CDH23: variants seen among roughly 807,000 people sequenced by gnomAD.
The protein encoded by CDH23 is cadherin related 23, also known as cadherin-23.
In CDH23, 189 loss-of-function variants were observed where a neutral mutation model predicts 317.1. The observed-to-expected ratio is 0.60, with a 90% confidence interval of 0.53 to 0.67. The LOEUF (loss-of-function observed/expected upper bound fraction) is 0.67. CDH23 is among the 30% of genes least tolerant of loss of function. The probability of loss-of-function intolerance (pLI) is 0.00; values close to 1 mark genes in which losing one functional copy is unlikely to be tolerated. For missense variants in CDH23, 4,401 were observed against 4,592.4 expected, an observed-to-expected ratio of 0.96 and a Z score of 1.20; for synonymous variants, 1,839 against 1,876.8, an observed-to-expected ratio of 0.98 and a Z score of 0.52.
In CDH23 at chr10:71,760,998, G is replaced by A. The variant is rs375563247; in HGVS notation, c.4846-16682G>A. ...GCCAGGGAGGCTTGTCCAGGCCAGT[G>A]TCCCCCTCCTGCCCCAGGTTCTCAC... On this transcript the variant is annotated intron_variant, in intron 38 of 69. Transcript: ENST00000224721. 16 of 1,463,122 alleles carry A rather than the reference G, an allele frequency of 1.1e-5. No individual in the cohort carries two copies. In the African/African-American group the frequency reaches 1.7e-4, roughly 15 times the overall value. The allele number at this position is 1,463,122 out of a possible 1,614,324, so 90.6% of individuals were successfully genotyped here.
At chr10:71,622,247 C>A (rs1861500615) in intron 11 of CDH23, among the ~76,000 whole-genome samples, 1 of 152,036 alleles carries the variant, frequency 6.6e-6, no homozygotes, top group African/African-American at 2.4e-5. Context: ...CCGCCCTTGC[C>A]CCCAACATAT....
chr10:71,433,619 T>G (rs1277853864), intron 1 of CDH23, among the ~76,000 whole-genome samples: 1 of 151,716 alleles, frequency 6.6e-6, no homozygotes, highest in African/African-American at 2.4e-5. Flanking sequence ...TCAACAGCCA[T>G]GCCAGACTCG....
intron 1 of CDH23, among the ~76,000 whole-genome samples, chr10:71,434,912 C>T (rs529808011): frequency 1.5e-3 from 223 of 152,314 alleles, no homozygotes; most frequent in Non-Finnish European, 1.4e-3. Context: ...CCCCAGCCAT[C>T]TGCCTTCTTC....
intron 31 of CDH23, among the ~76,000 whole-genome samples, chr10:71,731,721 A>G (rs953581626): frequency 1.6e-4 from 25 of 152,188 alleles, no homozygotes; most frequent in African/African-American, 6.0e-4. Context: ...TTGAGGCTCC[A>G]GGAGCAGACC....
chr10:71,812,433 A>T (rs745356725), intron 66 of CDH23, 47 bp from the exon 67 acceptor site: 42 of 1,610,520 alleles, frequency 2.6e-5, no homozygotes, highest in Non-Finnish European at 3.3e-5. Context: ...GCACCTGTCT[A>T]CTCGAGCCTT....
intron 3 of CDH23, among the ~76,000 whole-genome samples, chr10:71,459,013 T>A (rs1850838498): frequency 6.6e-6 from 1 of 151,648 alleles, no homozygotes; most frequent in Admixed American, 6.6e-5. Context: ...GGTCTCGATC[T>A]CGACCTTGTG....
At chr10:71,477,127 T>TTG (rs1851831281) in intron 3 of CDH23, among the ~76,000 whole-genome samples, 2 of 152,038 alleles carry the variant, frequency 1.3e-5, no homozygotes, top group South Asian at 4.1e-4. Context: ...CCTGCAGATG[T>TTG]TGTGTGTCTG....
Position 71,738,478 on chromosome 10 carries a change from C to G in CDH23, c.4210-20C>G, listed in dbSNP as rs1411281737. Reference sequence around the variant, plus strand: ...AGGAGGGGAAGGAGGCTGTAGGTCTCTGACCACGTTCACCCTCAGGTCTAC... The same window carrying G: ...AGGAGGGGAAGGAGGCTGTAGGTCTGTGACCACGTTCACCCTCAGGTCTAC... On this transcript the variant is annotated intron_variant, in intron 34 of 69. Coordinates refer to ENST00000224721, the MANE Select transcript of CDH23 (RefSeq NM_022124.6). 1 of 1,613,918 alleles carries G rather than the reference C, an allele frequency of 6.2e-7. No homozygotes were observed. The highest frequency in any genetic ancestry group is 1.3e-5 in the African/African-American group (1 of 75,070).
At chr10:71,638,114 C>A (rs922199983) in intron 11 of CDH23, among the ~76,000 whole-genome samples, 1 of 152,114 alleles carries the variant, frequency 6.6e-6, no homozygotes, top group Non-Finnish European at 1.5e-5. Flanking sequence ...AGAAATGATA[C>A]TGTTTTCATT....
Position 71,798,546 on chromosome 10 carries a change from C to T in CDH23, c.7022C>T (p.Pro2341Leu), listed in dbSNP as rs1841468965. 6.2e-7 allele frequency: 1 copy of T among 1,612,992 alleles called. No individual in the cohort carries two copies. Among genetic ancestry groups the T allele is most frequent in the South Asian group, 1.1e-5 (1 of 91,034 alleles). Reference protein sequence around the residue: ...VTYTLLDLVPPGYVQLEDSSA... With the variant: ...VTYTLLDLVPLGYVQLEDSSA... ...TACACCCTGCTGGACCTGGTGCCCCCAGGGTATGTCCAGCTGGAGGACTCC... is the reference window on the plus strand; with the variant it reads ...TACACCCTGCTGGACCTGGTGCCCCTAGGGTATGTCCAGCTGGAGGACTCC... Residue 2341 changes from proline to leucine, a missense_variant, in exon 50 of 70, where the codon CCA becomes CTA. This residue lies in a region of CDH23 where 3,068 missense variants were observed against 3,203.3 expected (regional missense o/e 0.96). Transcript: ENST00000224721.
At chr10:71,747,341 G>A (rs1006564544) in intron 38 of CDH23, among the ~76,000 whole-genome samples, 16 of 152,222 alleles carry the variant, frequency 1.1e-4, no homozygotes, top group South Asian at 2.1e-4. Context: ...CAGCAGCAGC[G>A]TCTTCTGGAC....
At chr10:71,585,662 G>C (rs545693154) in intron 9 of CDH23, among the ~76,000 whole-genome samples, 95 of 152,326 alleles carry the variant, frequency 6.2e-4, no homozygotes, top group Middle Eastern at 3.4e-3. Context: ...ACTTTCTCCT[G>C]ATGAGCCACA....
rs534333798 is a variant in CDH23, at chr10:71,732,173, T to A, written c.3902T>A (p.Ile1301Asn). The change falls in exon 32 of 70, where the codon ATC becomes AAC. Residue 1301 changes from isoleucine to asparagine, a missense_variant. Ile to Asn is a moderately radical substitution (Grantham distance 149, BLOSUM62 -3). Around this residue, in one of 3 missense-constraint regions of CDH23, gnomAD observed 3,068 missense variants for 3,203.3 expected, o/e 0.96. Coordinates refer to ENST00000224721, the MANE Select transcript of CDH23 (RefSeq NM_022124.6). ...PFNQGFCSVY[I>N]TLLNELDEAV... ...AACCAGGGCTTCTGCAGCGTCTACA[T>A]CACTCTGCTCAACGAGCTGGACGAG... The A allele has an allele frequency of 6.2e-7, 1 of 1,613,930 alleles. No homozygotes were observed. Among genetic ancestry groups the A allele is most frequent in the Non-Finnish European group, 8.5e-7 (1 of 1,179,852 alleles).
chr10:71,635,352 T>C (rs10762463), intron 11 of CDH23: 78,041 of 152,476 alleles, frequency 0.51, 20,911 homozygotes, highest in Non-Finnish European at 0.61. Flanking sequence ...AATACACACA[T>C]CCGCGGTGAA....
intron 62 of CDH23, among the ~76,000 whole-genome samples, chr10:71,810,827 T>TC: frequency 6.6e-6 from 1 of 152,202 alleles, no homozygotes; most frequent in Middle Eastern, 3.4e-3. Context: ...ACACCTGTAA[T>TC]CCCAGCACTT....
rs567388878 is a variant in CDH23 at position 71,801,988 on chromosome 10, T to C, written c.7483-910T>C. Among the ~76,000 whole-genome samples the C allele has an allele frequency of 2.6e-5, 4 of 152,332 alleles. No homozygotes were observed. The South Asian group carries it at 8.3e-4, about 32-fold the overall frequency. On this transcript the variant is annotated intron_variant, in intron 53 of 69. Coordinates refer to ENST00000224721, the MANE Select transcript of CDH23 (RefSeq NM_022124.6). ...GACATGAGGTGGTTTGAAAGTGCTC[T>C]GTGCACTGAAAGGGGATCTTTAAAG...
chr10:71,684,563 T>TTCC (rs1165584350), intron 18 of CDH23, among the ~76,000 whole-genome samples: 6 of 152,240 alleles, frequency 3.9e-5, no homozygotes, highest in Non-Finnish European at 7.3e-5. Context: ...CTGAAACAAC[T>TTCC]TCCTCATCTG....
chr10:71,742,458 C>T (rs1465262667), intron 38 of CDH23, among the ~76,000 whole-genome samples: 1 of 152,196 alleles, frequency 6.6e-6, no homozygotes, highest in Non-Finnish European at 1.5e-5. Context: ...CTGCCCAAGG[C>T]AATGTTCAAA....
At chr10:71,457,084 T>G (rs1318618216) in intron 3 of CDH23, among the ~76,000 whole-genome samples, 1 of 152,220 alleles carries the variant, frequency 6.6e-6, no homozygotes, top group Non-Finnish European at 1.5e-5. Context: ...AAACTCATCC[T>G]GGGCACAGGG....
Sources: allele counts gnomAD v4.1 joint callset (sites outside exome capture counted in the v4.1 genomes callset), GRCh38; gene constraint gnomAD v4.1.1; regional missense constraint gnomAD v4.1.1; transcripts MANE v1.5; gene names NCBI Gene and HGNC (gene_info 2026-07-23, HGNC 2026-07-21).